GALNT17: variants seen among roughly 807,000 people sequenced by gnomAD.
GALNT17 encodes the protein UDP-GalNAc:polypeptide N-acetylgalactosaminyltransferase-like 3.
Under a neutral mutation model 63.7 loss-of-function variants are expected in GALNT17, and 29 were observed. The ratio of observed to expected loss-of-function variants is 0.46; its 90% confidence interval spans 0.34 to 0.62. The LOEUF is 0.62. GALNT17 is among the 20% of genes least tolerant of loss of function. The pLI is 0.01. For missense variants in GALNT17, 603 were observed against 799.6 expected (o/e 0.75, Z 2.97); for synonymous variants, 305 against 318.3 (o/e 0.96, Z 0.45).
At chr7:71,194,780 C>T (rs988186712) in intron 1 of GALNT17, among the ~76,000 whole-genome samples, 1 of 152,196 alleles carries the variant, frequency 6.6e-6, no homozygotes, top group African/African-American at 2.4e-5. Context: ...TTTGGTTACT[C>T]CCTTTAATTA....
chr7:71,518,007 G>T (rs1375492835), intron 5 of GALNT17, among the ~76,000 whole-genome samples: 1 of 152,196 alleles, frequency 6.6e-6, no homozygotes, highest in East Asian at 1.9e-4. Context: ...GCCCCTGGGG[G>T]AGACAGCATA....
chr7:71,476,294 G>A lies in GALNT17; in HGVS notation c.962+55189G>A, dbSNP rs552406820. On this transcript the variant is annotated intron_variant, in intron 5 of 10. Transcript: ENST00000333538. ...GTGGAAGACCAAGGTGTCAGTGATA[G>A]GCTTGGGGTTACCCTGCCCTTCCAG... Among the ~76,000 whole-genome samples, 13 of 152,348 alleles carry A rather than the reference G, an allele frequency of 8.5e-5. No homozygotes were observed. The South Asian group carries it at 2.1e-3, about 24-fold the overall frequency.
In GALNT17 at chr7:71,367,448, G is replaced by A. The variant is rs116875779; in HGVS notation, c.423-20787G>A. Reference sequence around the variant, plus strand: ...TGGACCACACATCATAATGACAGCCGAGAAGGGAACCTATTTGGTATAGAC... The same window carrying A: ...TGGACCACACATCATAATGACAGCCAAGAAGGGAACCTATTTGGTATAGAC... On this transcript the variant is annotated intron_variant, in intron 2 of 10. Coordinates refer to ENST00000333538, the MANE Select transcript of GALNT17 (RefSeq NM_022479.3). 7.2e-3 allele frequency among the ~76,000 whole-genome samples: 1,102 copies of A among 152,308 alleles called. 4 individuals carry two copies. Among genetic ancestry groups the A allele is most frequent in the Middle Eastern group, 0.017 (5 of 294 alleles).
chr7:71,360,744 C>T (rs1273385290), intron 2 of GALNT17, among the ~76,000 whole-genome samples: 1 of 152,074 alleles, frequency 6.6e-6, no homozygotes, highest in Non-Finnish European at 1.5e-5. Flanking sequence ...ACCAGCCTGG[C>T]CAACGTGGCA....
intron 1 of GALNT17, among the ~76,000 whole-genome samples, chr7:71,316,565 C>T (rs920108262): frequency 2.0e-5 from 3 of 152,140 alleles, no homozygotes; most frequent in Admixed American, 6.5e-5. Flanking sequence ...TAAAGGGCTC[C>T]TCCAGGACTT....
At chr7:71,655,011 A>G (rs1173742889) in intron 6 of GALNT17, among the ~76,000 whole-genome samples, 1 of 152,104 alleles carries the variant, frequency 6.6e-6, no homozygotes, top group South Asian at 2.1e-4. Flanking sequence ...GCTGGTCTCA[A>G]ACTTCTGACC....
At chr7:71,647,229 A>ATTTTTTTTTTTTTTTTTTTTT (rs5884850) in intron 6 of GALNT17, among the ~76,000 whole-genome samples, 11 of 137,508 alleles carry the variant, frequency 8.0e-5, no homozygotes, top group African/African-American at 2.8e-4. Context: ...GTGCCCAGCT[A>ATTTTTTTTTTTTTTTTTTTTT]TTTTTTTTTT....
chr7:71,279,666 A>C (rs1340228680), intron 1 of GALNT17, among the ~76,000 whole-genome samples: 1 of 151,812 alleles, frequency 6.6e-6, no homozygotes, highest in East Asian at 1.9e-4. Flanking sequence ...AACCACTGCA[A>C]ACTCTGTTCT....
rs560300703 is a variant in GALNT17, at chr7:71,698,245, A to G, written c.1501-12516A>G. 1.4e-4 allele frequency among the ~76,000 whole-genome samples: 22 copies of G among 152,278 alleles called. No individual in the cohort carries two copies. The South Asian group carries it at 3.9e-3, about 27-fold the overall frequency. On this transcript the variant is annotated intron_variant, in intron 9 of 10. Coordinates refer to ENST00000333538, the MANE Select transcript of GALNT17 (RefSeq NM_022479.3). ...CTAAATCTGACAGTGTGTCTGTCCT[A>G]TGACAGACAGTCACCAAAGGAACTT...
intron 1 of GALNT17, among the ~76,000 whole-genome samples, chr7:71,134,382 T>G (rs1426695531): frequency 6.6e-6 from 1 of 152,186 alleles, no homozygotes; most frequent in African/African-American, 2.4e-5. Context: ...CTGTCTTCAC[T>G]GTGGTGGCAA....
chr7:71,318,522 C>G (rs559071320), intron 1 of GALNT17, among the ~76,000 whole-genome samples: 1 of 149,950 alleles, frequency 6.7e-6, no homozygotes. Context: ...TGGGTTCAAG[C>G]GACTCTCCTG....
At chr7:71,456,312 G>A (rs537771626) in intron 5 of GALNT17, among the ~76,000 whole-genome samples, 8 of 152,206 alleles carry the variant, frequency 5.3e-5, no homozygotes, top group African/African-American at 1.2e-4. Context: ...AGTATATTGC[G>A]AGAGTCAGTG....
chr7:71,645,905 T>A (rs1405745490), intron 6 of GALNT17, among the ~76,000 whole-genome samples: 1 of 152,206 alleles, frequency 6.6e-6, no homozygotes, highest in Admixed American at 6.5e-5. Flanking sequence ...GAATGTCATT[T>A]TGTGCCTAGG....
chr7:71,225,619 A>G (rs972195769), intron 1 of GALNT17, among the ~76,000 whole-genome samples: 2 of 152,216 alleles, frequency 1.3e-5, no homozygotes, highest in African/African-American at 4.8e-5. Flanking sequence ...GTCTTGTTCC[A>G]GTGGATGACG....
At chr7:71,198,991 T>C (rs1483392356) in intron 1 of GALNT17, among the ~76,000 whole-genome samples, 1 of 152,192 alleles carries the variant, frequency 6.6e-6, no homozygotes, top group African/African-American at 2.4e-5. Context: ...ATTTTGCCTT[T>C]CTAAACTGTT....
intron 5 of GALNT17, among the ~76,000 whole-genome samples, chr7:71,527,610 G>A (rs1202502608): frequency 1.3e-5 from 2 of 152,316 alleles, no homozygotes; most frequent in African/African-American, 2.4e-5. Context: ...TCATTTCAGA[G>A]TTGGTTTGTT....
chr7:71,168,921 T>G (rs1025109443), intron 1 of GALNT17, among the ~76,000 whole-genome samples: 3 of 152,206 alleles, frequency 2.0e-5, no homozygotes, highest in African/African-American at 7.2e-5. Context: ...TGAATTTGAT[T>G]GCTGACATTT....
intron 1 of GALNT17, among the ~76,000 whole-genome samples, chr7:71,262,911 G>A (rs1013275937): frequency 2.6e-5 from 4 of 151,678 alleles, no homozygotes; most frequent in African/African-American, 9.7e-5. Flanking sequence ...AAACTCGTAA[G>A]TTCAAGCAAT....
At position 71,579,230 on chromosome 7, in the gene GALNT17, A is replaced by G. The variant is rs368603269; in HGVS notation, c.1080+7828A>G. Reference sequence around the variant, plus strand: ...CCTGGTCTTGTCCCAGTATAGAGTGAGCCTTGAGATTTCACAAACTGGTCT... The same window carrying G: ...CCTGGTCTTGTCCCAGTATAGAGTGGGCCTTGAGATTTCACAAACTGGTCT... On this transcript the variant is annotated intron_variant, in intron 6 of 10. Coordinates refer to ENST00000333538, the MANE Select transcript of GALNT17 (RefSeq NM_022479.3). Among the ~76,000 whole-genome samples, 3 of 152,310 alleles carry G rather than the reference A, an allele frequency of 2.0e-5. No individual in the cohort carries two copies. In the East Asian group the frequency reaches 5.8e-4, roughly 29 times the overall value.
Sources: allele counts gnomAD v4.1 joint callset (sites outside exome capture counted in the v4.1 genomes callset), GRCh38; gene constraint gnomAD v4.1.1; transcripts MANE v1.5; gene names NCBI Gene and HGNC (gene_info 2026-07-23, HGNC 2026-07-21).